Variants in SP7 observed in about 807,000 individuals in gnomAD.
SP7 encodes transcription factor Sp7.
Under a neutral mutation model 27.9 loss-of-function variants are expected in SP7, and 13 were observed. The observed-to-expected ratio is 0.47, with a 90% CI of 0.30 to 0.74. SP7 has a LOEUF of 0.74. SP7 is among the 30% of genes least tolerant of loss of function. SP7 has a pLI of 0.06. For missense variants in SP7, 525 were observed against 558.0 expected (o/e 0.94, Z 0.60); for synonymous variants, 219 against 226.7 (o/e 0.97, Z 0.31).
At chr12:53,332,938 G>A (rs1944723271) in intron 2 of SP7, among the ~76,000 whole-genome samples, 1 of 152,278 alleles carries the variant, frequency 6.6e-6, no homozygotes, top group East Asian at 1.9e-4. Context: ...CCCCCGCCCG[G>A]CCCTCACACT....
At chr12:53,330,864 G>A (rs1263429496) in intron 2 of SP7, among the ~76,000 whole-genome samples, 1 of 152,226 alleles carries the variant, frequency 6.6e-6, no homozygotes, top group African/African-American at 2.4e-5. Flanking sequence ...GAGAGCAAGA[G>A]GAAGTGATGG....
intron 2 of SP7, 90 bp downstream of exon 2, chr12:53,335,536 C>T: frequency 1.3e-6 from 1 of 745,168 alleles, no homozygotes. Flanking sequence ...ACCACAGCTA[C>T]TATCTATGTG....
intron 2 of SP7, among the ~76,000 whole-genome samples, chr12:53,333,544 T>C (rs914375537): frequency 6.6e-6 from 1 of 152,106 alleles, no homozygotes; most frequent in African/African-American, 2.4e-5. Flanking sequence ...CTGACTGGCC[T>C]TAGGTTTGGA....
upstream of SP7, among the ~76,000 whole-genome samples, chr12:53,338,773 A>T (rs1944797145): frequency 1.3e-5 from 2 of 152,188 alleles, no homozygotes; most frequent in African/African-American, 4.8e-5. Flanking sequence ...CCCTCTGGAC[A>T]CAGAGCCTCT....
At chr12:53,339,634 A>G (rs1193391198), upstream of SP7, among the ~76,000 whole-genome samples, 1 of 151,758 alleles carries the variant, frequency 6.6e-6, no homozygotes, top group East Asian at 1.9e-4. Flanking sequence ...CTGAGGCAGT[A>G]GAATCACTTG....
Position 53,328,835 on chromosome 12 carries a change from C to T in SP7, c.607G>A (p.Ala203Thr). ...PQLPTYPSDF[A>T]PLNPAPYPAP... ...GGGTAGGGGGCTGGATTAAGGGGAG[C>T]AAAGTCAGATGGGTAGGTGGGCAGC... Residue 203 changes from alanine (A) to threonine (T), a missense_variant, in exon 3 of 3, where the codon GCT becomes ACT. Physicochemically the swap from Ala to Thr is moderately conservative, Grantham distance 58. Transcript: ENST00000536324. This position sits in a 1 kb window ranked among gnomAD's most constrained non-coding sequence, Gnocchi z 5.1. The T allele has an allele frequency of 6.2e-7, 1 of 1,600,922 alleles. No individual in the cohort carries two copies. Among genetic ancestry groups the T allele is most frequent in the Non-Finnish European group, 8.5e-7 (1 of 1,171,204 alleles).
At chr12:53,335,863 C>T (rs1033073495) in intron 1 of SP7, 170 bp from the exon 2 acceptor site, 2 of 1,388,220 alleles carry the variant, frequency 1.4e-6, no homozygotes, top group Non-Finnish European at 1.9e-6. Context: ...GCTCCAGATC[C>T]AATGAGGAGG....
chr12:53,335,706 G>A lies in SP7; in HGVS notation c.-47-13C>T. ...CAGATGGAGAGAGCTGAGCCGGGGGGTGGGGGGGGTAGAGAGAGAAAAGGG... is the reference window on the plus strand; with the variant it reads ...CAGATGGAGAGAGCTGAGCCGGGGGATGGGGGGGGTAGAGAGAGAAAAGGG... On this transcript the variant is annotated splice_polypyrimidine_tract_variant and intron_variant, in intron 1 of 2. Transcript: ENST00000536324. 4.9e-6 allele frequency: 7 copies of A among 1,416,864 alleles called. No homozygotes were observed. Among genetic ancestry groups the A allele is most frequent in the South Asian group, 3.8e-5 (3 of 79,938 alleles). 87.8% of individuals were successfully genotyped at this position (1,416,864 alleles called of 1,614,324 possible). A position where few individuals can be genotyped will look rare whatever the true frequency, so the allele number is the denominator to read the frequency against.
At position 53,344,518 on chromosome 12, in the gene SP7, C is replaced by T. The variant is rs2136857076; in HGVS notation, c.-34+596G>A. Among the ~76,000 whole-genome samples, 1 of 152,316 alleles carries T rather than the reference C, an allele frequency of 6.6e-6. No homozygotes were observed. The highest frequency in any genetic ancestry group is 2.1e-4 in the South Asian group (1 of 4,826). Reference sequence around the variant, plus strand: ...GACTCAGCTACCAACATTAACACCTCCTCCCCACATAGCCTCAATGGGACG... The same window carrying T: ...GACTCAGCTACCAACATTAACACCTTCTCCCCACATAGCCTCAATGGGACG... On this transcript the variant is annotated intron_variant, in intron 1 of 1. Coordinates refer to the SP7 transcript ENST00000547755. This position sits in a 1 kb window ranked among gnomAD's most constrained non-coding sequence, Gnocchi z 4.6.
chr12:53,330,047 T>TA (rs200938721), intron 2 of SP7, among the ~76,000 whole-genome samples: 55 of 150,342 alleles, frequency 3.7e-4, no homozygotes, highest in East Asian at 9.8e-4. Flanking sequence ...TCTTTTTATT[T>TA]AAAAAAAAAA....
At position 53,335,689 on chromosome 12, in the gene SP7, G is replaced by T; in HGVS notation, c.-43C>A. 1 of 1,282,768 alleles carries T rather than the reference G, an allele frequency of 7.8e-7. No individual in the cohort carries two copies. The highest frequency in any genetic ancestry group is 1.1e-6 in the Non-Finnish European group (1 of 951,456). 79.5% of individuals were successfully genotyped at this position (1,282,768 alleles called of 1,614,324 possible). A position where few individuals can be genotyped will look rare whatever the true frequency, so the allele number is the denominator to read the frequency against. ...GGTCCCAAGGAGCCAGGCAGATGGA[G>T]AGAGCTGAGCCGGGGGGTGGGGGGG... On this transcript the variant is annotated 5_prime_UTR_variant, in exon 2 of 3. Transcript: ENST00000536324.
chr12:53,333,954 T>C (rs1250273082), intron 2 of SP7, among the ~76,000 whole-genome samples: 4 of 152,180 alleles, frequency 2.6e-5, no homozygotes, highest in Admixed American at 2.6e-4. Flanking sequence ...CAATCCCATG[T>C]CTTTCCAGCA....
chr12:53,333,909 C>T (rs1312598661), intron 2 of SP7, among the ~76,000 whole-genome samples: 3 of 152,160 alleles, frequency 2.0e-5, no homozygotes, highest in Non-Finnish European at 4.4e-5. Flanking sequence ...GAAAGTCTAG[C>T]TTCCACAACA....
rs1231033251 is a variant in SP7 at position 53,335,700 on chromosome 12, CG to C, written c.-47-8del. The C allele has an allele frequency of 6.5e-4, 76 of 116,858 alleles. No homozygotes were observed. The highest frequency in any genetic ancestry group is 3.9e-3 in the Middle Eastern group (2 of 508). 7.2% of individuals were successfully genotyped at this position (116,858 alleles called of 1,614,324 possible). A position where few individuals can be genotyped will look rare whatever the true frequency, so the allele number is the denominator to read the frequency against. The stretch of plus-strand genomic sequence containing the variant: ...GCCAGGCAGATGGAGAGAGCTGAGC[CG>C]GGGGGTGGGGGGGGTAGAGAGAGAA... On this transcript the variant is annotated splice_polypyrimidine_tract_variant and splice_region_variant and intron_variant, in intron 1 of 2. Transcript: ENST00000536324.
upstream of SP7, among the ~76,000 whole-genome samples, chr12:53,341,265 G>T (rs969298601): frequency 2.6e-5 from 4 of 152,164 alleles, no homozygotes; most frequent in African/African-American, 9.7e-5. Context: ...CTGAGCCTTG[G>T]GTTCCTTCAT....
intron 2 of SP7, among the ~76,000 whole-genome samples, chr12:53,335,145 G>C (rs1298780605): frequency 3.9e-5 from 6 of 151,968 alleles, no homozygotes; most frequent in Non-Finnish European, 5.9e-5. Flanking sequence ...AACCAGGCAA[G>C]ATCCTGTCTG....
In SP7 at chr12:53,328,972, G is replaced by A. The variant is rs551110861; in HGVS notation, c.470C>T (p.Pro157Leu). 1 of 1,612,702 alleles carries A rather than the reference G, an allele frequency of 6.2e-7. No homozygotes were observed. The highest frequency in any genetic ancestry group is 2.2e-5 in the East Asian group (1 of 44,834). ...GCCTCCAGGGTGCATATCCCACCAT[G>A]GAGTAGGAGTGTTGCCTGGGCCTGG... ...ISPGPGNTPT[P>L]WWDMHPGGNW... The change falls in exon 3 of 3, where the codon CCA becomes CTA. Residue 157 changes from proline to leucine, a missense_variant. Transcript: ENST00000536324. The surrounding 1 kb of genome is among the most constrained non-coding windows in gnomAD (Gnocchi z 5.1).
chr12:53,339,218 A>G (rs1404252551), upstream of SP7, among the ~76,000 whole-genome samples: 2 of 152,132 alleles, frequency 1.3e-5, no homozygotes, highest in Non-Finnish European at 2.9e-5. Context: ...CAAGGGATGG[A>G]TGCCCCAGAC....
In SP7 at chr12:53,329,243, G is replaced by T. The variant is rs182659396; in HGVS notation, c.199C>A (p.Pro67Thr). The change falls in exon 3 of 3, where the codon CCC becomes ACC. Residue 67 changes from proline to threonine, a missense_variant. Pro to Thr is a conservative substitution (Grantham distance 38). Transcript: ENST00000536324. Reference sequence around the variant, plus strand: ...AGGAGCCCATTAGTGCTTGTAAAGGGGGCTGGATAAGCATCCCCCATGGTT... The same window carrying T: ...AGGAGCCCATTAGTGCTTGTAAAGGTGGCTGGATAAGCATCCCCCATGGTT... ...SKTMGDAYPAPFTSTNGLLSP... is the reference protein window; with the variant it reads ...SKTMGDAYPATFTSTNGLLSP... 1 of 1,613,812 alleles carries T rather than the reference G, an allele frequency of 6.2e-7. No homozygotes were observed. The highest frequency in any genetic ancestry group is 8.5e-7 in the Non-Finnish European group (1 of 1,179,890).
Sources: allele counts gnomAD v4.1 joint callset (sites outside exome capture counted in the v4.1 genomes callset), GRCh38; gene constraint gnomAD v4.1.1; non-coding constraint Gnocchi (gnomAD v3.1); transcripts MANE v1.5; gene names NCBI Gene and HGNC (gene_info 2026-07-23, HGNC 2026-07-21).